OSBPL10: variants seen among roughly 807,000 people sequenced by gnomAD.
The protein encoded by OSBPL10 is oxysterol binding protein like 10.
A neutral mutation model predicts 81.7 loss-of-function variants in OSBPL10; 49 were observed. The observed-to-expected ratio is 0.60, with a 90% CI of 0.48 to 0.76. The LOEUF (loss-of-function observed/expected upper bound fraction) is 0.76, where lower values mean the gene tolerates loss of function less well. OSBPL10 is among the 30% of genes least tolerant of loss of function. The pLI is 0.00. For synonymous variants in OSBPL10, 419 were observed against 383.6 expected (o/e 1.09, Z -1.08); for missense variants, 923 against 987.8 (o/e 0.93, Z 0.88).
rs141324910 is a variant in OSBPL10, at chr3:31,971,122, GT to G, written c.281+9776del. ...TCTAATGAGTTGGTTTTTTTTTTCT[GT>G]TTTTTTTTCTTTTTTCTTTTTTTTT... On this transcript the variant is annotated intron_variant, in intron 1 of 11. Coordinates refer to ENST00000396556, the MANE Select transcript of OSBPL10 (RefSeq NM_017784.5). Among the ~76,000 whole-genome samples, 1,534 of 139,594 alleles carry G rather than the reference GT, an allele frequency of 0.011. 90 individuals carry two copies. The East Asian group carries it at 0.18, about 16-fold the overall frequency. 91.6% of individuals were successfully genotyped at this position (139,594 alleles called of 152,430 possible).
At chr3:31,944,374 G>A (rs1382159693) in intron 1 of OSBPL10, among the ~76,000 whole-genome samples, 1 of 152,124 alleles carries the variant, frequency 6.6e-6, no homozygotes, top group Non-Finnish European at 1.5e-5. Flanking sequence ...GGTAAACCAT[G>A]TGTTAGCAAT....
At chr3:32,024,535 GGCT>G (rs1356052916) in intron 2 of OSBPL10, among the ~76,000 whole-genome samples, 32 of 129,458 alleles carry the variant, frequency 2.5e-4, no homozygotes, top group Admixed American at 3.8e-4. Flanking sequence ...TTGTCCCTCA[GGCT>G]GGAGTGCGAT....
At chr3:31,738,128 T>C (rs985658841) in intron 5 of OSBPL10, among the ~76,000 whole-genome samples, 1 of 152,062 alleles carries the variant, frequency 6.6e-6, no homozygotes, top group Non-Finnish European at 1.5e-5. Flanking sequence ...ATACATGTCC[T>C]GGGCTGAACA....
Position 31,989,717 on chromosome 3 carries a change from A to G in OSBPL10, n.298+56774T>C, listed in dbSNP as rs778260536. The G allele has an allele frequency of 4.3e-6, 7 of 1,613,872 alleles. No individual in the cohort carries two copies. In the Admixed American group the frequency reaches 6.7e-5, roughly 15 times the overall value. On this transcript the variant is annotated intron_variant and non_coding_transcript_variant, in intron 2 of 3. Coordinates refer to the OSBPL10 transcript ENST00000479173. ...AATAACTATGAAAATAATTTCTTCC[A>G]TTCATCATTACTCACACTAAAACAG...
intron 1 of OSBPL10, among the ~76,000 whole-genome samples, chr3:31,958,995 C>T (rs1448996710): frequency 2.0e-5 from 3 of 152,124 alleles, no homozygotes; most frequent in African/African-American, 7.2e-5. Flanking sequence ...TCCCAAAGGT[C>T]AAATGTCATC....
intron 1 of OSBPL10, among the ~76,000 whole-genome samples, chr3:32,069,912 G>A (rs370378330): frequency 3.0e-4 from 45 of 152,276 alleles, no homozygotes; most frequent in Middle Eastern, 3.4e-3. Context: ...CAGAATGCCC[G>A]CAGCCCAGGA....
At chr3:31,873,660 T>G (rs1304147920) in intron 3 of OSBPL10, among the ~76,000 whole-genome samples, 1 of 152,104 alleles carries the variant, frequency 6.6e-6, no homozygotes, top group East Asian at 1.9e-4. Flanking sequence ...AAGTATTCTC[T>G]ATAGTCTACT....
intron 1 of OSBPL10, among the ~76,000 whole-genome samples, chr3:31,933,646 G>C (rs1697308544): frequency 6.6e-6 from 1 of 152,036 alleles, no homozygotes; most frequent in Non-Finnish European, 1.5e-5. Flanking sequence ...CTGAGCTCAA[G>C]CAATCTTCCC....
At chr3:31,825,233 CAA>C (rs1700071467) in intron 4 of OSBPL10, among the ~76,000 whole-genome samples, 1 of 152,088 alleles carries the variant, frequency 6.6e-6, no homozygotes, top group Admixed American at 6.5e-5. Flanking sequence ...GGCATGAACT[CAA>C]AGAGTGATTG....
chr3:31,980,423 G>C (rs934947360), intron 1 of OSBPL10, among the ~76,000 whole-genome samples: 1 of 152,242 alleles, frequency 6.6e-6, no homozygotes, highest in Non-Finnish European at 1.5e-5. Context: ...GATGGTGGTG[G>C]TGTTCTGAAA....
intron 1 of OSBPL10, among the ~76,000 whole-genome samples, chr3:31,936,550 G>A (rs899877687): frequency 6.6e-6 from 1 of 152,172 alleles, no homozygotes; most frequent in African/African-American, 2.4e-5. Flanking sequence ...CTTCAATGGT[G>A]AAAAGAAAAA....
chr3:31,871,412 A>C (rs1277524507), intron 3 of OSBPL10, among the ~76,000 whole-genome samples: 1 of 152,212 alleles, frequency 6.6e-6, no homozygotes, highest in Non-Finnish European at 1.5e-5. Context: ...TCCAAACATC[A>C]GAAGGAAAAA....
intron 7 of OSBPL10, among the ~76,000 whole-genome samples, chr3:31,702,008 A>G (rs1278038907): frequency 6.6e-6 from 1 of 152,006 alleles, no homozygotes; most frequent in East Asian, 1.9e-4. Flanking sequence ...AGCCATCTCT[A>G]TAGGCCACCT....
At chr3:31,826,031 A>G (rs1239819030) in intron 4 of OSBPL10, among the ~76,000 whole-genome samples, 1 of 152,180 alleles carries the variant, frequency 6.6e-6, no homozygotes, top group East Asian at 1.9e-4. Context: ...TCATTCCCTT[A>G]ATGTCTTGTA....
intron 1 of OSBPL10, among the ~76,000 whole-genome samples, chr3:31,979,081 C>T (rs1025421056): frequency 1.3e-5 from 2 of 152,056 alleles, no homozygotes; most frequent in African/African-American, 4.8e-5. Flanking sequence ...CTCAACACAC[C>T]AACAAAATGC....
chr3:31,909,800 G>A (rs1696520663), intron 1 of OSBPL10, among the ~76,000 whole-genome samples: 1 of 152,030 alleles, frequency 6.6e-6, no homozygotes, highest in Non-Finnish European at 1.5e-5. Flanking sequence ...GAATCTACTA[G>A]AATGGCCCCC....
intron 3 of OSBPL10, among the ~76,000 whole-genome samples, chr3:31,834,476 G>A (rs1700322260): frequency 6.6e-6 from 1 of 152,236 alleles, no homozygotes; most frequent in African/African-American, 2.4e-5. Flanking sequence ...GAGTGTGGGA[G>A]CAGGTGAGAC....
chr3:31,989,823 T>A, intron 2 of OSBPL10: 1 of 1,614,126 alleles, frequency 6.2e-7, no homozygotes, highest in Non-Finnish European at 8.5e-7. Flanking sequence ...TAAGGAAACA[T>A]CAGATAATCT....
At chr3:31,813,217 C>A (rs1699752547) in intron 4 of OSBPL10, among the ~76,000 whole-genome samples, 1 of 152,172 alleles carries the variant, frequency 6.6e-6, no homozygotes, top group Non-Finnish European at 1.5e-5. Context: ...TCCATGGTGA[C>A]ATCAAGTTCT....
Sources: gnomAD v4.1 joint callset for allele counts (sites outside exome capture counted in the v4.1 genomes callset) on GRCh38, gnomAD v4.1.1 for gene constraint, MANE v1.5 for transcripts, NCBI Gene and HGNC (gene_info 2026-07-23, HGNC 2026-07-21) for gene names.